The following UBE3C variants were observed in gnomAD, a reference collection of about 807,000 sequenced individuals.
UBE3C encodes ubiquitin-protein ligase E3C.
In UBE3C, 42 loss-of-function variants were observed where a neutral mutation model predicts 129.4. The ratio of observed to expected loss-of-function variants is 0.32; its 90% CI spans 0.25 to 0.42. The LOEUF is 0.42. Among genes scored for constraint, UBE3C ranks in the 10% least tolerant of loss-of-function variants. The pLI is 1.00. For missense variants in UBE3C, 1,049 were observed against 1,319.1 expected, an observed-to-expected ratio of 0.80 and a Z score of 3.17; for synonymous variants, 510 against 492.4, an observed-to-expected ratio of 1.04 and a Z score of -0.47.
intron 2 of UBE3C, chr7:157,164,415 A>G (rs1483768914): frequency 4.4e-6 from 2 of 456,604 alleles, no homozygotes; most frequent in South Asian, 3.1e-5. Flanking sequence ...TCATTTTCCC[A>G]AAGTGTTGGG....
chr7:157,208,001 G>T, intron 13 of UBE3C, 66 bp downstream of exon 13: 1 of 948,052 alleles, frequency 1.1e-6, no homozygotes, highest in Non-Finnish European at 1.4e-6. Context: ...GTCTTGACTC[G>T]TTGCAGAGGA....
intron 1 of UBE3C, among the ~76,000 whole-genome samples, chr7:157,153,175 A>G (rs1289978016): frequency 1.3e-5 from 2 of 152,156 alleles, no homozygotes; most frequent in East Asian, 3.9e-4. Context: ...TTCAGCCTGG[A>G]TGAAAGAGTG....
chr7:157,186,919 A>C lies in UBE3C; in HGVS notation c.1229A>C (p.Asn410Thr), dbSNP rs773760532. Residue 410 changes from asparagine (N) to threonine (T), a missense_variant, in exon 10 of 23, where the codon AAC (asparagine) becomes ACC (threonine). Transcript: ENST00000348165. Reference protein sequence around the residue: ...DTKQQTNTLLNLVWRDSASEE... With the variant: ...DTKQQTNTLLTLVWRDSASEE... Reference sequence around the variant, plus strand: ...AAGCAGCAGACCAACACCCTGCTCAACCTGGTGTGGAGGGACTCTGCGAGC... The same window carrying C: ...AAGCAGCAGACCAACACCCTGCTCACCCTGGTGTGGAGGGACTCTGCGAGC... 1.5e-4 allele frequency: 247 copies of C among 1,614,002 alleles called. No homozygotes were observed. The highest frequency in any genetic ancestry group is 2.1e-4 in the Non-Finnish European group (242 of 1,180,022).
intron 13 of UBE3C, among the ~76,000 whole-genome samples, chr7:157,212,367 T>C (rs1341599813): frequency 6.6e-6 from 1 of 152,250 alleles, no homozygotes; most frequent in Non-Finnish European, 1.5e-5. Flanking sequence ...GTTGCAATAC[T>C]ATATCTAAAT....
At chr7:157,160,097 T>C (rs1335831321) in intron 1 of UBE3C, among the ~76,000 whole-genome samples, 1 of 151,732 alleles carries the variant, frequency 6.6e-6, no homozygotes, top group Admixed American at 6.6e-5. Context: ...TTTTCTGAGA[T>C]GGAGTCTCGT....
intron 6 of UBE3C, among the ~76,000 whole-genome samples, chr7:157,179,556 C>G (rs1452252091): frequency 6.6e-5 from 10 of 152,118 alleles, no homozygotes; most frequent in Admixed American, 2.0e-4. Context: ...CACAAAAGAA[C>G]CTTTGGTCTC....
intron 5 of UBE3C, among the ~76,000 whole-genome samples, chr7:157,177,701 G>C (rs569958370): frequency 6.6e-6 from 1 of 152,208 alleles, no homozygotes; most frequent in South Asian, 2.1e-4. Context: ...CAGCCTGCCC[G>C]CTGGGTCCTC....
At chr7:157,224,521 G>T (rs555604021) in intron 16 of UBE3C, among the ~76,000 whole-genome samples, 14 of 152,210 alleles carry the variant, frequency 9.2e-5, no homozygotes, top group African/African-American at 3.4e-4. Context: ...AAAAGAAATG[G>T]ACAAATATCT....
At chr7:157,171,687 T>TATATATATATATATA (rs1491094674) in intron 4 of UBE3C, among the ~76,000 whole-genome samples, 157 of 6,118 alleles carry the variant, frequency 0.026, 1 homozygote, top group Non-Finnish European at 0.031. Context: ...TATATATATA[T>TATATATATATATATA]TTTTTTTTTT....
At chr7:157,198,167 C>G (rs1314898716) in intron 10 of UBE3C, 1 of 1,612,596 alleles carries the variant, frequency 6.2e-7, no homozygotes, top group Non-Finnish European at 8.5e-7. Context: ...TAAGCAAAAT[C>G]TGAACATCTT....
chr7:157,231,454 C>T, intron 18 of UBE3C, 127 bp downstream of exon 18: 2 of 1,415,418 alleles, frequency 1.4e-6, no homozygotes, highest in East Asian at 2.3e-5. Context: ...CTAAATGTTG[C>T]AAAAGCACTG....
chr7:157,218,810 C>T (rs1219663096), intron 14 of UBE3C, among the ~76,000 whole-genome samples: 3 of 152,112 alleles, frequency 2.0e-5, no homozygotes, highest in African/African-American at 4.8e-5. Flanking sequence ...CTGTCTCTAG[C>T]TGGTCATGGG....
chr7:157,179,367 T>G (rs948075404), intron 6 of UBE3C, among the ~76,000 whole-genome samples: 1 of 152,178 alleles, frequency 6.6e-6, no homozygotes, highest in Non-Finnish European at 1.5e-5. Flanking sequence ...GTTTGAATTT[T>G]CTAACTCAGT....
intron 18 of UBE3C, among the ~76,000 whole-genome samples, chr7:157,232,525 T>C (rs1021669724): frequency 1.3e-5 from 2 of 152,140 alleles, no homozygotes; most frequent in Non-Finnish European, 2.9e-5. Flanking sequence ...AATTTTTCTA[T>C]TTTTAGAAGA....
chr7:157,174,693 C>T (rs984583459), intron 4 of UBE3C, among the ~76,000 whole-genome samples: 3 of 152,174 alleles, frequency 2.0e-5, no homozygotes, highest in Non-Finnish European at 4.4e-5. Flanking sequence ...CTCAGGTGAT[C>T]TGCCTGCCTC....
At chr7:157,210,971 A>G (rs892328396) in intron 13 of UBE3C, among the ~76,000 whole-genome samples, 5 of 152,236 alleles carry the variant, frequency 3.3e-5, no homozygotes, top group African/African-American at 9.6e-5. Context: ...TTATGCATTT[A>G]TCAAATTTAT....
At chr7:157,139,862 C>A in intron 1 of UBE3C, 1 of 388,668 alleles carries the variant, frequency 2.6e-6, no homozygotes, top group Non-Finnish European at 3.5e-6. Context: ...CACGCATTTG[C>A]TGATGTCGAT....
chr7:157,139,446 G>T (rs1465960404), intron 1 of UBE3C, 108 bp downstream of exon 1: 11 of 1,096,766 alleles, frequency 1.0e-5, no homozygotes, highest in Non-Finnish European at 1.3e-5. Flanking sequence ...CGAGACTTGG[G>T]GCTGGATTCG....
chr7:157,205,700 A>G (rs1809412946), intron 11 of UBE3C, among the ~76,000 whole-genome samples: 1 of 152,218 alleles, frequency 6.6e-6, no homozygotes. Context: ...TCATTCATTG[A>G]TGAATCTGTT....
Sources: gnomAD v4.1 joint callset for allele counts (sites outside exome capture counted in the v4.1 genomes callset) on GRCh38, gnomAD v4.1.1 for gene constraint, MANE v1.5 for transcripts, NCBI Gene and HGNC (gene_info 2026-07-23, HGNC 2026-07-21) for gene names.